EPHX4: variants seen among roughly 807,000 people sequenced by gnomAD.
The protein encoded by EPHX4 is abhydrolase domain containing 7.
EPHX4 carries 31 observed loss-of-function variants against 44.9 expected under a neutral mutation model. The observed-to-expected ratio is 0.69, with a 90% confidence interval of 0.52 to 0.93. The LOEUF is 0.93. Ranked by LOEUF, EPHX4 falls within the 40% of genes least tolerant of loss-of-function variation. The probability of loss-of-function intolerance (pLI) is 0.00; values close to 1 mark genes in which losing one functional copy is unlikely to be tolerated. For missense variants in EPHX4, 373 were observed against 438.1 expected (o/e 0.85, Z 1.33); for synonymous variants, 151 against 159.7 (o/e 0.95, Z 0.41).
chr1:92,038,612 G>A (rs755198504), intron 2 of EPHX4, among the ~76,000 whole-genome samples: 20 of 152,234 alleles, frequency 1.3e-4, no homozygotes, highest in African/African-American at 2.2e-4. Context: ...GTGCAAAAGC[G>A]TGGAAGGGGC....
intron 3 of EPHX4, among the ~76,000 whole-genome samples, chr1:92,044,908 C>A (rs1688562205): frequency 6.6e-6 from 1 of 152,078 alleles, no homozygotes; most frequent in African/African-American, 2.4e-5. Context: ...CAGAGCTGAG[C>A]AACATAAGCT....
chr1:92,062,714 T>C lies in EPHX4; in HGVS notation c.858-341T>C, dbSNP rs536020226. Among the ~76,000 whole-genome samples, 7 of 152,288 alleles carry C rather than the reference T, an allele frequency of 4.6e-5. No individual in the cohort carries two copies. In the South Asian group the frequency reaches 1.5e-3, roughly 32 times the overall value. On this transcript the variant is annotated intron_variant, in intron 6 of 6. Coordinates refer to ENST00000370383, the MANE Select transcript of EPHX4 (RefSeq NM_173567.5). The stretch of plus-strand genomic sequence containing the variant: ...ATTTAAATTTTACTGGGTCTTTTCT[T>C]AAATAGCCTTTTAAATATTTTATAG...
intron 2 of EPHX4, among the ~76,000 whole-genome samples, chr1:92,038,308 A>G (rs568987010): frequency 1.3e-5 from 2 of 152,314 alleles, no homozygotes; most frequent in South Asian, 4.1e-4. Context: ...AAGGTATTGA[A>G]ACAACGTGCA....
chr1:92,045,398 A>G lies in EPHX4; in HGVS notation c.476-134A>G, dbSNP rs950696107. The G allele has an allele frequency of 6.3e-6, 7 of 1,104,556 alleles. No individual in the cohort carries two copies. In the Admixed American group the frequency reaches 1.2e-4, roughly 20 times the overall value. The allele number at this position is 1,104,556 out of a possible 1,614,324, so 68.4% of individuals were successfully genotyped here. ...ACAAGTTTTGGAACCACTGAATTCA[A>G]TATCTGCACAAAGTGCATAATTAGG... is the stretch of plus-strand genomic sequence containing the variant. On this transcript the variant is annotated intron_variant, in intron 3 of 6. Transcript: ENST00000370383.
intron 2 of EPHX4, among the ~76,000 whole-genome samples, chr1:92,038,880 T>C (rs1688475619): frequency 6.6e-6 from 1 of 152,208 alleles, no homozygotes; most frequent in African/African-American, 2.4e-5. Flanking sequence ...CCAGACTCCC[T>C]GGGCTGGAAT....
intron 1 of EPHX4, among the ~76,000 whole-genome samples, chr1:92,032,094 T>G (rs1478633815): frequency 1.3e-5 from 2 of 152,200 alleles, no homozygotes; most frequent in African/African-American, 4.8e-5. Flanking sequence ...ATTATTTACA[T>G]GTCCTGCAGC....
chr1:92,057,946 T>G (rs1475083093), intron 6 of EPHX4, among the ~76,000 whole-genome samples: 5 of 152,096 alleles, frequency 3.3e-5, no homozygotes, highest in Non-Finnish European at 5.9e-5. Flanking sequence ...TAAATACTCT[T>G]TCAGATATTA....
intron 6 of EPHX4, 72 bp downstream of exon 6, chr1:92,052,730 A>C (rs2101873865): frequency 7.4e-7 from 1 of 1,352,066 alleles, no homozygotes; most frequent in East Asian, 2.7e-5. Context: ...TTTTATTTTT[A>C]AGGTTAAGTT....
intron 6 of EPHX4, among the ~76,000 whole-genome samples, chr1:92,062,361 G>A (rs946303641): frequency 1.3e-5 from 2 of 151,776 alleles, no homozygotes; most frequent in Non-Finnish European, 2.9e-5. Flanking sequence ...CGAGGCGGGT[G>A]GATCAAGAGG....
intron 6 of EPHX4, 47 bp downstream of exon 6, chr1:92,052,705 C>T: frequency 6.9e-7 from 1 of 1,453,616 alleles, no homozygotes; most frequent in South Asian, 1.4e-5. Flanking sequence ...TCAGTCTGAT[C>T]CTACAGGGAC....
In EPHX4 at chr1:92,037,505, T is replaced by TTTGAAA. The variant is rs1280946742; in HGVS notation, c.317+4918_317+4919insAAATTG. Among the ~76,000 whole-genome samples the TTTGAAA allele has an allele frequency of 4.3e-4, 65 of 152,342 alleles. 1 individual carries two copies. In the East Asian group the frequency reaches 0.012, roughly 28 times the overall value. Reference sequence around the variant, plus strand: ...CTCCCACTCTCTCTCTCCACTTCAATTTGCATCTCCTTTAAAAATATTTTG... The same window carrying TTTGAAA: ...CTCCCACTCTCTCTCTCCACTTCAATTTGAAATTGCATCTCCTTTAAAAATATTTTG... On this transcript the variant is annotated intron_variant, in intron 2 of 6. Coordinates refer to ENST00000370383, the MANE Select transcript of EPHX4 (RefSeq NM_173567.5).
chr1:92,036,385 A>C (rs2101866681), intron 2 of EPHX4, among the ~76,000 whole-genome samples: 1 of 152,322 alleles, frequency 6.6e-6, no homozygotes, highest in South Asian at 2.1e-4. Flanking sequence ...TGCAAAATAG[A>C]AATGGCTGGT....
intron 6 of EPHX4, among the ~76,000 whole-genome samples, chr1:92,060,510 A>G (rs1647471952): frequency 6.6e-6 from 1 of 152,106 alleles, no homozygotes; most frequent in Non-Finnish European, 1.5e-5. Context: ...ATTCTCCCCA[A>G]ATTATTCTAT....
rs1034045655 is a variant in EPHX4, at chr1:92,063,230, A to G, written c.1033A>G (p.Ile345Val). ...TTGGCTTCAGCAAGACCAACCTGAC[A>G]TAGTGAACAAATTGATATGGACATT... ...SHWLQQDQPD[I>V]VNKLIWTFLK... The change falls in exon 7 of 7, where the codon ATA becomes GTA. Residue 345 changes from isoleucine to valine, a missense_variant. Coordinates refer to ENST00000370383, the MANE Select transcript of EPHX4 (RefSeq NM_173567.5). 4 of 1,613,558 alleles carry G rather than the reference A, an allele frequency of 2.5e-6. No homozygotes were observed. The highest frequency in any genetic ancestry group is 2.2e-5 in the East Asian group (1 of 44,882).
At position 92,036,482 on chromosome 1, in the gene EPHX4, G is replaced by A. The variant is rs370137320; in HGVS notation, c.317+3892G>A. Among the ~76,000 whole-genome samples, 20 of 152,204 alleles carry A rather than the reference G, an allele frequency of 1.3e-4. No individual in the cohort carries two copies. The East Asian group carries it at 3.1e-3, about 23-fold the overall frequency. ...CTGGATATCATTCCCATTTGCCCCC[G>A]CAAAGTCAAGTCTTGGATGTATCCA... On this transcript the variant is annotated intron_variant, in intron 2 of 6. Coordinates refer to ENST00000370383, the MANE Select transcript of EPHX4 (RefSeq NM_173567.5).
intron 2 of EPHX4, among the ~76,000 whole-genome samples, chr1:92,040,264 C>T (rs1488661658): frequency 1.3e-5 from 2 of 148,534 alleles, no homozygotes; most frequent in Middle Eastern, 3.6e-3. Context: ...TAAACTCTGC[C>T]GCCTGGGCTT....
Position 92,046,906 on chromosome 1 carries a change from A to G in EPHX4, c.604+1246A>G, listed in dbSNP as rs138036036. 8.6e-3 allele frequency among the ~76,000 whole-genome samples: 1,311 copies of G among 152,296 alleles called. 21 individuals carry two copies. The highest frequency in any genetic ancestry group is 0.029 in the African/African-American group (1,210 of 41,562). On this transcript the variant is annotated intron_variant, in intron 4 of 6. Transcript: ENST00000370383. Reference sequence around the variant, plus strand: ...TGGTTTTGTATCATCATGCATTGTAAGATGTTTGTTCACTGATTTATGCAG... The same window carrying G: ...TGGTTTTGTATCATCATGCATTGTAGGATGTTTGTTCACTGATTTATGCAG...
chr1:92,050,266 T>G, intron 4 of EPHX4, 51 bp from the exon 5 acceptor site: 1 of 1,130,600 alleles, frequency 8.8e-7, no homozygotes, highest in African/African-American at 1.6e-5. Flanking sequence ...CTTCTAACAG[T>G]AAGTAATTTA....
At chr1:92,045,894 T>G (rs1474646467) in intron 4 of EPHX4, among the ~76,000 whole-genome samples, 3 of 152,210 alleles carry the variant, frequency 2.0e-5, no homozygotes, top group Non-Finnish European at 4.4e-5. Flanking sequence ...AAAAAAGATT[T>G]TACTGTTAAC....
Sources: allele counts gnomAD v4.1 joint callset (sites outside exome capture counted in the v4.1 genomes callset), GRCh38; gene constraint gnomAD v4.1.1; transcripts MANE v1.5; gene names NCBI Gene and HGNC (gene_info 2026-07-23, HGNC 2026-07-21).